Variants in LRP2 observed in about 807,000 individuals in gnomAD.
LRP2 encodes low-density lipoprotein receptor-related protein 2.
Under a neutral mutation model 531.0 loss-of-function variants are expected in LRP2, and 172 were observed. The ratio of observed to expected loss-of-function variants is 0.32; its 90% CI spans 0.29 to 0.37. The LOEUF (loss-of-function observed/expected upper bound fraction) is 0.37. Among genes scored for constraint, LRP2 ranks in the 10% least tolerant of loss-of-function variants. The pLI, the probability that LRP2 is intolerant of heterozygous loss-of-function variation, is 1.00. For synonymous variants in LRP2, 1,992 were observed against 2,027.6 expected (o/e 0.98, Z 0.47); for missense variants, 5,167 against 5,868.3 (o/e 0.88, Z 3.90).
Position 169,176,457 on chromosome 2 carries a change from T to C in LRP2, c.10525A>G (p.Met3509Val). 1.2e-6 allele frequency: 2 copies of C among 1,614,190 alleles called. No individual in the cohort carries two copies. Among genetic ancestry groups the C allele is most frequent in the Non-Finnish European group, 1.7e-6 (2 of 1,180,028 alleles). Reference protein sequence around the residue: ...TLQLSGSTYCMPMCSSTQFLC... With the variant: ...TLQLSGSTYCVPMCSSTQFLC... Reference sequence around the variant, plus strand: ...AACTGGGTGCTGGAGCACATGGGCATGCAGTAGGTGCTGCCACTCAGCTGA... The same window carrying C: ...AACTGGGTGCTGGAGCACATGGGCACGCAGTAGGTGCTGCCACTCAGCTGA... The change falls in exon 54 of 79, where the codon ATG becomes GTG. Residue 3509 changes from methionine to valine, a missense_variant. By Grantham distance (21) the Met-to-Val change is conservative (BLOSUM62 1). Around this residue, in one of 6 missense-constraint regions of LRP2, gnomAD observed 311 missense variants for 309.4 expected, o/e 1.01. Transcript: ENST00000649046.
At position 169,162,508 on chromosome 2, in the gene LRP2, C is replaced by T. The variant is rs761977482; in HGVS notation, c.11851G>A (p.Asp3951Asn). Residue 3951 changes from aspartate to asparagine, a missense_variant, in exon 63 of 79, where the codon GAT becomes AAT. Asp to Asn is a conservative substitution (Grantham distance 23). Around this residue, in one of 6 missense-constraint regions of LRP2, gnomAD observed 564 missense variants for 747.7 expected, o/e 0.75. Transcript: ENST00000649046. ...IPHDNVCDDA[D>N]DCGDWSDELG... ...TCATCGGACCAGTCACCACAGTCAT[C>T]GGCATCATCACACACATTGTCATGT... 30 of 1,614,066 alleles carry T rather than the reference C, an allele frequency of 1.9e-5. No individual in the cohort carries two copies. The highest frequency in any genetic ancestry group is 5.3e-5 in the African/African-American group (4 of 74,946).
rs575748411 is a variant in LRP2 at position 169,229,269 on chromosome 2, C to T, written c.5227+2445G>A. 2.0e-4 allele frequency among the ~76,000 whole-genome samples: 31 copies of T among 152,240 alleles called. 1 individual carries two copies. In the South Asian group the frequency reaches 6.2e-3, roughly 31 times the overall value. ...AAGATCATCTCTTCATTTCTATTTT[C>T]CATGTCATAATCCCATTAATGTTAG... On this transcript the variant is annotated intron_variant, in intron 31 of 78. Transcript: ENST00000649046.
chr2:169,206,194 C>T lies in LRP2; in HGVS notation c.7391-6G>A. ...GCCATCAGCAGTCCCTATACCTGGA[C>T]ACATACAGGCAGACACACACACAAG... On this transcript the variant is annotated splice_polypyrimidine_tract_variant and splice_region_variant and intron_variant, in intron 39 of 78. Coordinates refer to ENST00000649046, the MANE Select transcript of LRP2 (RefSeq NM_004525.3). The T allele has an allele frequency of 6.2e-7, 1 of 1,614,166 alleles. No homozygotes were observed. The highest frequency in any genetic ancestry group is 8.5e-7 in the Non-Finnish European group (1 of 1,180,024).
At chr2:169,256,051 A>C (rs535096147) in intron 19 of LRP2, 55 bp downstream of exon 19, 1 of 1,584,926 alleles carries the variant, frequency 6.3e-7, no homozygotes, top group African/African-American at 1.3e-5. Context: ...TGAGTTTACT[A>C]TTGTAACTTG....
At chr2:169,186,057 T>C in intron 49 of LRP2, 38 bp from the exon 50 acceptor site, 1 of 1,582,430 alleles carries the variant, frequency 6.3e-7, no homozygotes, top group Non-Finnish European at 8.6e-7. Context: ...TCCTAAAATA[T>C]CAACGACCAA....
At chr2:169,195,977 A>G (rs1462645861) in intron 46 of LRP2, among the ~76,000 whole-genome samples, 1 of 152,256 alleles carries the variant, frequency 6.6e-6, no homozygotes, top group Non-Finnish European at 1.5e-5. Flanking sequence ...GATATATACT[A>G]TAGAGGAATA....
At chr2:169,259,760 G>T (rs562338897) in intron 16 of LRP2, among the ~76,000 whole-genome samples, 1 of 149,332 alleles carries the variant, frequency 6.7e-6, no homozygotes, top group South Asian at 2.1e-4. Context: ...AAAAAAAAAC[G>T]CTTTCCTCTT....
At chr2:169,308,974 T>C (rs1684508605) in intron 3 of LRP2, among the ~76,000 whole-genome samples, 1 of 152,194 alleles carries the variant, frequency 6.6e-6, no homozygotes, top group South Asian at 2.1e-4. Flanking sequence ...TGATGCTCAG[T>C]GATGATCAGC....
chr2:169,307,243 T>G, intron 4 of LRP2, 38 bp downstream of exon 4: 1 of 1,388,260 alleles, frequency 7.2e-7, no homozygotes, highest in African/African-American at 1.4e-5. Context: ...GGGACAAGGG[T>G]GAAACCAAAT....
intron 34 of LRP2, among the ~76,000 whole-genome samples, chr2:169,218,169 T>C (rs969737998): frequency 6.6e-6 from 1 of 152,176 alleles, no homozygotes; most frequent in Non-Finnish European, 1.5e-5. Flanking sequence ...CAAGTCTCTG[T>C]CTTGTTTCTC....
intron 1 of LRP2, among the ~76,000 whole-genome samples, chr2:169,326,278 C>CTGTA (rs1331532441): frequency 6.7e-6 from 1 of 149,846 alleles, no homozygotes; most frequent in African/African-American, 2.5e-5. Flanking sequence ...CGAAGCTGGA[C>CTGTA]TGTACTGCTG....
chr2:169,247,597 G>T, intron 19 of LRP2, 82 bp from the exon 20 acceptor site: 1 of 1,445,682 alleles, frequency 6.9e-7, no homozygotes, highest in Non-Finnish European at 9.7e-7. Context: ...CAATAGGCTT[G>T]AAATGCTTCT....
At chr2:169,242,401 T>C (rs1385299773) in intron 24 of LRP2, among the ~76,000 whole-genome samples, 1 of 152,222 alleles carries the variant, frequency 6.6e-6, no homozygotes, top group Non-Finnish European at 1.5e-5. Context: ...TCTCTGAACC[T>C]CCATAGAATT....
At chr2:169,303,660 T>C (rs1308021324) in intron 4 of LRP2, among the ~76,000 whole-genome samples, 3 of 152,062 alleles carry the variant, frequency 2.0e-5, no homozygotes, top group African/African-American at 7.2e-5. Context: ...GTTTCTTTTC[T>C]ACATTTCCTC....
intron 16 of LRP2, among the ~76,000 whole-genome samples, chr2:169,268,759 T>C (rs572590560): frequency 1.7e-4 from 26 of 152,228 alleles, no homozygotes; most frequent in Admixed American, 5.9e-4. Context: ...CCAGGGCAAT[T>C]AGTCAGGAGA....
Position 169,175,087 on chromosome 2 carries a change from T to C in LRP2, c.10768+106A>G, listed in dbSNP as rs111564860. ...GGAGCCTGAGTTTCCTTCTAGGACTTTGAACTGGTTTTTAGTTCATGATAT... is the reference window on the plus strand; with the variant it reads ...GGAGCCTGAGTTTCCTTCTAGGACTCTGAACTGGTTTTTAGTTCATGATAT... On this transcript the variant is annotated intron_variant, in intron 55 of 78. Transcript: ENST00000649046. 2,386 of 1,112,230 alleles carry C rather than the reference T, an allele frequency of 2.1e-3. 44 individuals are homozygous for C. The African/African-American group carries it at 0.033, about 15-fold the overall frequency. 68.9% of individuals were successfully genotyped at this position (1,112,230 alleles called of 1,614,324 possible).
At chr2:169,323,664 A>G (rs1055080571) in intron 1 of LRP2, among the ~76,000 whole-genome samples, 1 of 151,798 alleles carries the variant, frequency 6.6e-6, no homozygotes, top group Non-Finnish European at 1.5e-5. Flanking sequence ...GATTTCATAC[A>G]TTGGAGCCAC....
intron 53 of LRP2, 41 bp from the exon 54 acceptor site, chr2:169,176,629 G>T (rs1398668352): frequency 6.4e-7 from 1 of 1,573,652 alleles, no homozygotes; most frequent in South Asian, 1.1e-5. Flanking sequence ...TTTGCTGAAA[G>T]AGAGTATCAA....
chr2:169,139,702 G>T, intron 72 of LRP2, 92 bp from the exon 73 acceptor site: 1 of 1,077,890 alleles, frequency 9.3e-7, no homozygotes, highest in Non-Finnish European at 1.4e-6. Context: ...AGAGAGCTTT[G>T]ACTGCATAAA....
Sources: gnomAD v4.1 joint callset for allele counts (sites outside exome capture counted in the v4.1 genomes callset) on GRCh38, gnomAD v4.1.1 for gene constraint, gnomAD v4.1.1 regional missense constraint, MANE v1.5 for transcripts, NCBI Gene and HGNC (gene_info 2026-07-23, HGNC 2026-07-21) for gene names.